The following LMO7 variants were observed in gnomAD, a reference collection of about 807,000 sequenced individuals.
The protein encoded by LMO7 is LIM domain only protein 7.
LMO7 carries 120 observed loss-of-function variants against 206.5 expected under a neutral mutation model. That is an observed-to-expected ratio of 0.58 (90% confidence interval 0.50 to 0.68). LMO7 has a LOEUF of 0.68. LMO7 is among the 30% of genes least tolerant of loss of function. The pLI is 0.00. For synonymous variants in LMO7, 706 were observed against 681.5 expected (o/e 1.04, Z -0.56); for missense variants, 1,959 against 1,957.9 (o/e 1.00, Z -0.01).
intron 2 of LMO7, chr13:75,627,911 T>C (rs1250905389): frequency 1.3e-5 from 2 of 151,366 alleles, no homozygotes; most frequent in East Asian, 3.9e-4. Context: ...CTTGGATTTA[T>C]GTTAAATGAT....
intron 3 of LMO7, among the ~76,000 whole-genome samples, chr13:75,744,811 A>G (rs1181712237): frequency 6.6e-6 from 1 of 152,182 alleles, no homozygotes; most frequent in Non-Finnish European, 1.5e-5. Flanking sequence ...TTTCTCCCTT[A>G]TGGGGCTGAC....
chr13:75,820,921 C>G (rs145302527), intron 13 of LMO7, among the ~76,000 whole-genome samples: 3 of 150,536 alleles, frequency 2.0e-5, no homozygotes, highest in African/African-American at 7.3e-5. Flanking sequence ...TGCTTGAATG[C>G]GGGAGGCGGA....
At chr13:75,763,155 C>A (rs1490989555) in intron 4 of LMO7, among the ~76,000 whole-genome samples, 1 of 152,060 alleles carries the variant, frequency 6.6e-6, no homozygotes, top group African/African-American at 2.4e-5. Context: ...TTTTGCCAAC[C>A]AGGGGATGTT....
intron 1 of LMO7, among the ~76,000 whole-genome samples, chr13:75,712,253 A>G (rs1396977310): frequency 1.3e-5 from 2 of 152,102 alleles, no homozygotes; most frequent in Non-Finnish European, 2.9e-5. Context: ...TTTCTTTCTG[A>G]AGTGGCAGGT....
chr13:75,713,456 G>A (rs998952422), intron 2 of LMO7, among the ~76,000 whole-genome samples: 2 of 152,104 alleles, frequency 1.3e-5, no homozygotes, highest in African/African-American at 4.8e-5. Flanking sequence ...TCTAAAGATA[G>A]CACTGGTAAA....
chr13:75,661,627 G>A (rs894926114), intron 1 of LMO7, among the ~76,000 whole-genome samples: 6 of 152,200 alleles, frequency 3.9e-5, no homozygotes, highest in African/African-American at 1.4e-4. Context: ...CCTGTTTCCA[G>A]TTCCCGTTCC....
At chr13:75,636,839 G>A in intron 1 of LMO7, 113 bp downstream of exon 1, 1 of 1,058,106 alleles carries the variant, frequency 9.5e-7, no homozygotes, top group Admixed American at 2.1e-5. Flanking sequence ...CGGCGACCCA[G>A]CCGACGTGAA....
intron 1 of LMO7, among the ~76,000 whole-genome samples, chr13:75,673,196 C>A (rs2039736520): frequency 1.3e-5 from 2 of 152,200 alleles, no homozygotes; most frequent in African/African-American, 4.8e-5. Flanking sequence ...GATAGACAAC[C>A]ACCCAGGTGA....
intron 4 of LMO7, among the ~76,000 whole-genome samples, chr13:75,766,805 T>C (rs187808074): frequency 1.3e-5 from 2 of 152,224 alleles, no homozygotes; most frequent in East Asian, 1.9e-4. Context: ...ATCTCCTTGG[T>C]TCCTGTTACC....
chr13:75,843,259 TC>T (rs2059698094), intron 25 of LMO7, among the ~76,000 whole-genome samples: 1 of 152,120 alleles, frequency 6.6e-6, no homozygotes, highest in African/African-American at 2.4e-5. Context: ...AACAACTGGG[TC>T]ATGTGCCTTT....
intron 4 of LMO7, among the ~76,000 whole-genome samples, chr13:75,780,748 A>G (rs764664301): frequency 6.6e-6 from 1 of 152,218 alleles, no homozygotes. Flanking sequence ...TGCAGTAAAG[A>G]CAGGTGTAAG....
At chr13:75,704,763 C>T (rs2042530848) in intron 1 of LMO7, among the ~76,000 whole-genome samples, 1 of 152,160 alleles carries the variant, frequency 6.6e-6, no homozygotes, top group Non-Finnish European at 1.5e-5. Flanking sequence ...AGAACTGGAA[C>T]TGAGCGATAG....
Position 75,808,217 on chromosome 13 carries a change from C to A in LMO7, c.1916+18C>A. 1 of 1,583,748 alleles carries A rather than the reference C, an allele frequency of 6.3e-7. No individual in the cohort carries two copies. Among genetic ancestry groups the A allele is most frequent in the Non-Finnish European group, 8.6e-7 (1 of 1,164,556 alleles). ...GTGGAGAGGTCAGAGTGTGTTTCTG[C>A]AAGGATTTTGCTTGTAATGGATGGT... On this transcript the variant is annotated intron_variant, in intron 10 of 30. Coordinates refer to ENST00000377534, the MANE Select transcript of LMO7 (RefSeq NM_001306080.2).
At chr13:75,765,180 T>A (rs1183435330) in intron 4 of LMO7, among the ~76,000 whole-genome samples, 1 of 152,184 alleles carries the variant, frequency 6.6e-6, no homozygotes, top group African/African-American at 2.4e-5. Flanking sequence ...GATGGCACTC[T>A]GTTTTAACAG....
chr13:75,703,753 A>G (rs1435646304), intron 1 of LMO7, among the ~76,000 whole-genome samples: 3 of 144,160 alleles, frequency 2.1e-5, no homozygotes, highest in African/African-American at 8.3e-5. Flanking sequence ...CTGTGAGGAC[A>G]GTTTAAAAAG....
chr13:75,720,229 AG>A (rs1291026373), intron 2 of LMO7, among the ~76,000 whole-genome samples: 2 of 152,086 alleles, frequency 1.3e-5, no homozygotes, highest in African/African-American at 4.8e-5. Flanking sequence ...ATTTTAGATA[AG>A]AGTCCTTTTT....
intron 1 of LMO7, among the ~76,000 whole-genome samples, chr13:75,671,165 G>T (rs1227842178): frequency 6.6e-6 from 1 of 150,484 alleles, no homozygotes; most frequent in East Asian, 1.9e-4. Context: ...CCTTCTTCTG[G>T]AATACCTCCT....
chr13:75,655,022 C>T (rs561097267), intron 1 of LMO7, among the ~76,000 whole-genome samples: 183 of 152,180 alleles, frequency 1.2e-3, no homozygotes, highest in South Asian at 4.8e-3. Context: ...AGGCACCTGT[C>T]ACCACGCCCG....
intron 4 of LMO7, among the ~76,000 whole-genome samples, chr13:75,784,734 C>T (rs34348643): frequency 0.038 from 5,736 of 152,152 alleles, 131 homozygotes; most frequent in Non-Finnish European, 0.052. Flanking sequence ...TTAATTTCCA[C>T]AAAACCTAAA....
Sources: allele counts gnomAD v4.1 joint callset (sites outside exome capture counted in the v4.1 genomes callset), GRCh38; gene constraint gnomAD v4.1.1; transcripts MANE v1.5; gene names NCBI Gene and HGNC (gene_info 2026-07-23, HGNC 2026-07-21).